WDR19: variants seen among roughly 807,000 people sequenced by gnomAD.
WDR19 encodes the protein WD repeat domain 19.
A neutral mutation model predicts 180.0 loss-of-function variants in WDR19; 121 were observed. The observed-to-expected ratio is 0.67, with a 90% CI of 0.58 to 0.78. The LOEUF is 0.78. WDR19 is among the 30% of genes least tolerant of loss of function. WDR19 has a pLI of 0.00. For missense variants in WDR19, 1,450 were observed against 1,640.7 expected, an observed-to-expected ratio of 0.88 and a Z score of 2.01; for synonymous variants, 497 against 540.7, an observed-to-expected ratio of 0.92 and a Z score of 1.12.
At chr4:39,208,819 A>T (rs936957519) in intron 9 of WDR19, among the ~76,000 whole-genome samples, 1 of 152,182 alleles carries the variant, frequency 6.6e-6, no homozygotes, top group South Asian at 2.1e-4. Flanking sequence ...CTGAAAGTAT[A>T]TGGGAGGATG....
chr4:39,230,176 A>G lies in WDR19; in HGVS notation c.1982+1486A>G, dbSNP rs770571300. On this transcript the variant is annotated intron_variant, in intron 17 of 36. Coordinates refer to ENST00000399820, the MANE Select transcript of WDR19 (RefSeq NM_025132.4). ...ACCTCTATGACCTACTAGGCACTTC[A>G]TGATTTAACACCAGCTCAACTGTCT... Among the ~76,000 whole-genome samples the G allele has an allele frequency of 1.1e-4, 17 of 152,158 alleles. 1 individual carries two copies. The highest frequency in any genetic ancestry group is 1.0e-3 in the Admixed American group (16 of 15,280).
intron 21 of WDR19, among the ~76,000 whole-genome samples, chr4:39,241,047 C>G (rs1167123637): frequency 1.3e-5 from 2 of 151,676 alleles, no homozygotes; most frequent in Admixed American, 6.6e-5. Context: ...CATACTGTAT[C>G]TTTTAAGATG....
intron 36 of WDR19, among the ~76,000 whole-genome samples, chr4:39,279,558 C>T (rs2109529621): frequency 6.6e-6 from 1 of 152,330 alleles, no homozygotes; most frequent in Non-Finnish European, 1.5e-5. Context: ...CACCATGTTG[C>T]AGCCCCACTG....
At chr4:39,189,606 A>G (rs913736381) in intron 3 of WDR19, 50 bp from the exon 4 acceptor site, 1 of 1,465,962 alleles carries the variant, frequency 6.8e-7, no homozygotes, top group African/African-American at 1.4e-5. Flanking sequence ...ACAAATAGTA[A>G]TTTTACTTTA....
chr4:39,209,106 G>A (rs987733257), intron 9 of WDR19, among the ~76,000 whole-genome samples: 4 of 151,956 alleles, frequency 2.6e-5, no homozygotes, highest in Admixed American at 6.6e-5. Flanking sequence ...AGACTACCCT[G>A]GCTCATGAAA....
At chr4:39,184,719 C>T (rs1725332668) in intron 1 of WDR19, among the ~76,000 whole-genome samples, 2 of 152,088 alleles carry the variant, frequency 1.3e-5, no homozygotes, top group African/African-American at 2.4e-5. Flanking sequence ...TTTGTGTTGC[C>T]GCACAGACTA....
chr4:39,202,722 C>A (rs1429468228), intron 6 of WDR19, among the ~76,000 whole-genome samples: 1 of 151,588 alleles, frequency 6.6e-6, no homozygotes, highest in Admixed American at 6.6e-5. Context: ...TTAAAAAATT[C>A]TTTTCTCATA....
At chr4:39,268,863 A>G (rs1465169123) in intron 30 of WDR19, among the ~76,000 whole-genome samples, 1 of 152,210 alleles carries the variant, frequency 6.6e-6, no homozygotes, top group African/African-American at 2.4e-5. Context: ...AGAAAGAGAA[A>G]TAGGCTGAAA....
chr4:39,265,084 A>G (rs926891041), intron 28 of WDR19, among the ~76,000 whole-genome samples: 2 of 151,650 alleles, frequency 1.3e-5, no homozygotes, highest in African/African-American at 4.8e-5. Context: ...ACACCCAGCT[A>G]ATTTTTGTAT....
At chr4:39,193,551 T>C (rs1478662673) in intron 4 of WDR19, among the ~76,000 whole-genome samples, 2 of 152,212 alleles carry the variant, frequency 1.3e-5, no homozygotes, top group East Asian at 3.8e-4. Context: ...CTCTTCCAAG[T>C]AACATCATGA....
At position 39,277,090 on chromosome 4, in the gene WDR19, T is replaced by A; in HGVS notation, c.3787T>A (p.Cys1263Ser). 1 of 1,613,922 alleles carries A rather than the reference T, an allele frequency of 6.2e-7. No homozygotes were observed. The highest frequency in any genetic ancestry group is 8.5e-7 in the Non-Finnish European group (1 of 1,179,854). The change falls in exon 34 of 37, where the codon TGT (cysteine) becomes AGT (serine). Residue 1263 changes from cysteine to serine, a missense_variant. Physicochemically the swap from Cys to Ser is moderately radical, Grantham distance 112 (BLOSUM62 -1). Transcript: ENST00000399820. ...CPFCKFLLPE[C>S]ELLCPGCKNS... ...ATTCTGCAAATTTCTTCTCCCAGAG[T>A]GTGAACTCCTCTGTCCTGGATGTAA...
chr4:39,225,005 A>G lies in WDR19; in HGVS notation c.1601A>G (p.Glu534Gly). The change falls in exon 15 of 37, where the codon GAA becomes GGA. Residue 534 changes from glutamate (E) to glycine (G), a missense_variant. Physicochemically the swap from Glu to Gly is moderately conservative, Grantham distance 98. Coordinates refer to ENST00000399820, the MANE Select transcript of WDR19 (RefSeq NM_025132.4). ...GGGACCAGATTAGTTTTCATTGATG[A>G]AAAAAGTGATGGATTTGTTTACTGT... is the stretch of plus-strand genomic sequence containing the variant. Reference protein sequence around the residue: ...PNGTRLVFIDEKSDGFVYCPV... With the variant: ...PNGTRLVFIDGKSDGFVYCPV... The G allele has an allele frequency of 6.4e-7, 1 of 1,566,758 alleles. No individual in the cohort carries two copies. The highest frequency in any genetic ancestry group is 1.2e-5 in the South Asian group (1 of 82,402).
chr4:39,197,085 C>G (rs913555355), intron 5 of WDR19, among the ~76,000 whole-genome samples: 1 of 152,136 alleles, frequency 6.6e-6, no homozygotes, highest in African/African-American at 2.4e-5. Context: ...ATCCTCAACC[C>G]TATGAGAGGT....
rs908231846 is a variant in WDR19, at chr4:39,270,086, T to C, written c.3469T>C (p.Tyr1157His). 4 of 1,613,722 alleles carry C rather than the reference T, an allele frequency of 2.5e-6. No homozygotes were observed. The highest frequency in any genetic ancestry group is 1.3e-5 in the African/African-American group (1 of 74,868). The stretch of plus-strand genomic sequence containing the variant: ...CACCAACCTCATGATTCTGCACAGC[T>C]ATATACTAGTAAAGGTGAGGCCCAT... ...MATNLMILHS[Y>H]ILVKIHVKNG... Residue 1157 changes from tyrosine (Y) to histidine (H), a missense_variant, in exon 31 of 37, where the codon TAT becomes CAT. Coordinates refer to ENST00000399820, the MANE Select transcript of WDR19 (RefSeq NM_025132.4).
chr4:39,267,852 C>T (rs573725872), intron 29 of WDR19, 143 bp from the exon 30 acceptor site: 17 of 732,718 alleles, frequency 2.3e-5, no homozygotes, highest in East Asian at 1.8e-4. Context: ...AATAAATAAA[C>T]GAATTCTTTA....
chr4:39,207,349 G>A lies in WDR19; in HGVS notation c.890+1613G>A, dbSNP rs538851355. ...GACAGTAACAAAAGGTCTAGTATTT[G>A]TGTCTTCGGAATCCCAAAAATAATG... On this transcript the variant is annotated intron_variant, in intron 9 of 36. Transcript: ENST00000399820. Among the ~76,000 whole-genome samples, 3 of 152,280 alleles carry A rather than the reference G, an allele frequency of 2.0e-5. No homozygotes were observed. In the South Asian group the frequency reaches 6.2e-4, roughly 32 times the overall value.
chr4:39,229,216 C>G (rs1290196489), intron 17 of WDR19, among the ~76,000 whole-genome samples: 1 of 152,074 alleles, frequency 6.6e-6, no homozygotes, highest in Non-Finnish European at 1.5e-5. Context: ...TTGATGGACA[C>G]TTAAGTTGAT....
At position 39,234,789 on chromosome 4, in the gene WDR19, G is replaced by T; in HGVS notation, c.2277G>T (p.Trp759Cys). 1 of 1,581,162 alleles carries T rather than the reference G, an allele frequency of 6.3e-7. No homozygotes were observed. Among genetic ancestry groups the T allele is most frequent in the South Asian group, 1.2e-5 (1 of 86,106 alleles). The change falls in exon 20 of 37, where the codon TGG (tryptophan) becomes TGT (cysteine). Residue 759 changes from tryptophan (W) to cysteine (C), a missense_variant. By Grantham distance (215) the Trp-to-Cys change is radical. Transcript: ENST00000399820. ...ALEMRRDLQHWDSALQLAKHL... is the reference protein window; with the variant it reads ...ALEMRRDLQHCDSALQLAKHL... ...AGATGAGAAGGGATTTACAGCATTG[G>T]GACAGTGCTCTACAACTGGCAAAGC...
intron 4 of WDR19, among the ~76,000 whole-genome samples, chr4:39,192,457 A>G (rs1321984543): frequency 3.3e-5 from 5 of 152,034 alleles, no homozygotes; most frequent in Non-Finnish European, 5.9e-5. Context: ...ATTGTAGCAC[A>G]GTTGTTTTTT....
Sources: gnomAD v4.1 joint callset for allele counts (sites outside exome capture counted in the v4.1 genomes callset) on GRCh38, gnomAD v4.1.1 for gene constraint, MANE v1.5 for transcripts, NCBI Gene and HGNC (gene_info 2026-07-23, HGNC 2026-07-21) for gene names.